The following NSD2 variants were observed in gnomAD, a reference collection of about 807,000 sequenced individuals.
The protein encoded by NSD2 is nuclear receptor binding SET domain protein 2, also known as histone-lysine N-methyltransferase NSD2.
NSD2 carries 12 observed loss-of-function variants against 139.0 expected under a neutral mutation model. The ratio of observed to expected loss-of-function variants is 0.09; its 90% CI spans 0.06 to 0.14. NSD2 has a LOEUF of 0.14. Among genes scored for constraint, NSD2 ranks in the 10% least tolerant of loss-of-function variants. The probability of loss-of-function intolerance (pLI) is 1.00; values close to 1 mark genes in which losing one functional copy is unlikely to be tolerated. For synonymous variants in NSD2, 669 were observed against 648.7 expected, an observed-to-expected ratio of 1.03 and a Z score of -0.48; for missense variants, 1,155 against 1,745.0, an observed-to-expected ratio of 0.66 and a Z score of 6.02.
chr4:1,891,196 C>T (rs956761562), intron 1 of NSD2, among the ~76,000 whole-genome samples: 5 of 152,208 alleles, frequency 3.3e-5, no homozygotes, highest in African/African-American at 9.6e-5. Flanking sequence ...GCCCCGCCTA[C>T]GTGGAATTGT....
In NSD2 at chr4:1,978,871, C is replaced by T. The variant is rs1560826798; in HGVS notation, c.4060C>T (p.Arg1354Trp). The change falls in exon 22 of 22, where the codon CGG becomes TGG. Residue 1354 changes from arginine (R) to tryptophan (W), a missense_variant. This residue lies in a region of NSD2 where 132 missense variants were observed against 94.3 expected (regional missense o/e 1.40). Coordinates refer to ENST00000508803, the MANE Select transcript of NSD2 (RefSeq NM_001042424.3). ...EPGKPKGKRR[R>W]RRGWRRVTEG... ...AGGGAAGCCGAAGGGGAAGAGGCGGCGGCGGAGGGGCTGGCGGAGAGTCAC... is the reference window on the plus strand; with the variant it reads ...AGGGAAGCCGAAGGGGAAGAGGCGGTGGCGGAGGGGCTGGCGGAGAGTCAC... 19 of 1,590,666 alleles carry T rather than the reference C, an allele frequency of 1.2e-5. No homozygotes were observed. The highest frequency in any genetic ancestry group is 2.3e-5 in the East Asian group (1 of 44,160).
At chr4:1,894,690 A>G (rs1201726684) in intron 1 of NSD2, among the ~76,000 whole-genome samples, 2 of 151,856 alleles carry the variant, frequency 1.3e-5, no homozygotes, top group Non-Finnish European at 2.9e-5. Context: ...AAAAAAAAAA[A>G]ATGAAAAGAA....
In NSD2 at chr4:1,942,263, TTAAG is replaced by T; in HGVS notation, c.1881+2487_1881+2490del. The T allele has an allele frequency of 6.3e-7, 1 of 1,588,066 alleles. No homozygotes were observed. The highest frequency in any genetic ancestry group is 8.5e-7 in the Non-Finnish European group (1 of 1,169,826). ...AGGCCTGTGAAGGAATTAATGTGAT[TTAAG>T]TGTTTTGTAACTTCATTTTTTATTC... On this transcript the variant is annotated intron_variant, in intron 9 of 21. Transcript: ENST00000508803. This position sits in a 1 kb window ranked among gnomAD's most constrained non-coding sequence, Gnocchi z 4.0.
intron 1 of NSD2, 28 bp from the exon 2 acceptor site, chr4:1,900,598 T>C: frequency 6.9e-7 from 1 of 1,443,760 alleles, no homozygotes; most frequent in Non-Finnish European, 9.3e-7. Flanking sequence ...TGCTTTTTCT[T>C]TCTTTTTTCT....
At chr4:1,900,446 A>G (rs1474568344) in intron 1 of NSD2, among the ~76,000 whole-genome samples, 180 bp from the exon 2 acceptor site, 1 of 151,986 alleles carries the variant, frequency 6.6e-6, no homozygotes, top group Non-Finnish European at 1.5e-5. Context: ...TCATTTTGTG[A>G]TTCCGTGTAA....
intron 1 of NSD2, among the ~76,000 whole-genome samples, chr4:1,897,884 C>T (rs370605426): frequency 6.6e-6 from 1 of 152,224 alleles, no homozygotes; most frequent in African/African-American, 2.4e-5. Flanking sequence ...GACTCAGCCT[C>T]CTAAAGTGCT....
In NSD2 at chr4:1,935,193, T is replaced by G. The variant is rs745593402; in HGVS notation, c.1605T>G (p.Pro535=). The G allele has an allele frequency of 1.9e-6, 3 of 1,613,568 alleles. No individual in the cohort carries two copies. The South Asian group carries it at 3.3e-5, about 18-fold the overall frequency. ...ACCACACAAAGAGGATACAGGACCC[T>G]ACAGAAGATGCTGAAGCTGAGGACA... ...KRNHTKRIQD[P]TEDAEAEDTP... The change falls in exon 7 of 22, where the codon CCT becomes CCG. Residue 535 remains proline (P), a synonymous_variant. Transcript: ENST00000508803.
intron 5 of NSD2, 82 bp downstream of exon 5, chr4:1,918,705 GCATTAT>G: frequency 6.5e-7 from 1 of 1,535,720 alleles, no homozygotes; most frequent in Non-Finnish European, 8.8e-7. Flanking sequence ...CTGTTTCTCA[GCATTAT>G]CAGGAGACTC....
intron 3 of NSD2, among the ~76,000 whole-genome samples, chr4:1,915,099 TTC>T (rs1330936023): frequency 6.6e-6 from 1 of 150,958 alleles, no homozygotes; most frequent in Non-Finnish European, 1.5e-5. Context: ...GTTGAATTTT[TTC>T]TTTTTTTCTC....
rs35448464 is a variant in NSD2, at chr4:1,926,150, A to ATTT, written c.1411-4455_1411-4453dup. ...TCACTAGCAGGCTTTTTGGGCCTGA[A>ATTT]TTTTTTTTTTTTTTTTTTTTTTTAA... On this transcript the variant is annotated intron_variant, in intron 5 of 21. Coordinates refer to ENST00000508803, the MANE Select transcript of NSD2 (RefSeq NM_001042424.3). Among the ~76,000 whole-genome samples the ATTT allele has an allele frequency of 5.9e-4, 72 of 121,524 alleles. 1 individual carries two copies. Among genetic ancestry groups the ATTT allele is most frequent in the African/African-American group, 2.1e-3 (68 of 31,668 alleles). The allele number at this position is 121,524 out of a possible 152,430, so 79.7% of individuals were successfully genotyped here.
intron 16 of NSD2, among the ~76,000 whole-genome samples, chr4:1,959,192 T>C (rs1184740063): frequency 1.3e-5 from 2 of 152,208 alleles, no homozygotes; most frequent in Admixed American, 6.5e-5. Flanking sequence ...CCTGGCTGGA[T>C]ACGTGTCAGC....
At chr4:1,915,111 C>CTTTTTTTTTTTTTTT (rs781255847) in intron 3 of NSD2, among the ~76,000 whole-genome samples, 1 of 115,562 alleles carries the variant, frequency 8.7e-6, no homozygotes, top group African/African-American at 3.5e-5. Flanking sequence ...CTTTTTTTCT[C>CTTTTTTTTTTTTTTT]TTTTTTTTTT....
At chr4:1,943,842 A>C (rs1723353763) in intron 9 of NSD2, 2 of 1,063,090 alleles carry the variant, frequency 1.9e-6, no homozygotes, top group Admixed American at 5.4e-5. Flanking sequence ...TTTTGGTGAA[A>C]ATGAAGGGAT....
chr4:1,948,679 A>G lies in NSD2; in HGVS notation c.1882-2393A>G. On this transcript the variant is annotated intron_variant, in intron 9 of 21. Coordinates refer to ENST00000508803, the MANE Select transcript of NSD2 (RefSeq NM_001042424.3). This position sits in a 1 kb window ranked among gnomAD's most constrained non-coding sequence, Gnocchi z 4.5. ...AATGAGCCTCATGTGTGTCGTTAACATTTATATATTTCCATTCAAAATATG... is the reference window on the plus strand; with the variant it reads ...AATGAGCCTCATGTGTGTCGTTAACGTTTATATATTTCCATTCAAAATATG... 3 of 1,056,830 alleles carry G rather than the reference A, an allele frequency of 2.8e-6. No homozygotes were observed. Among genetic ancestry groups the G allele is most frequent in the Non-Finnish European group, 2.3e-6 (2 of 872,920 alleles). The allele number at this position is 1,056,830 out of a possible 1,614,324, so 65.5% of individuals were successfully genotyped here.
intron 1 of NSD2, among the ~76,000 whole-genome samples, chr4:1,890,784 G>C (rs547178032): frequency 5.6e-4 from 85 of 152,006 alleles, no homozygotes; most frequent in Admixed American, 1.4e-3. Context: ...TTTTAGTAGA[G>C]ACGGGGTTTC....
intron 6 of NSD2, among the ~76,000 whole-genome samples, chr4:1,931,423 CAG>C (rs1163677697): frequency 6.6e-6 from 1 of 152,022 alleles, no homozygotes; most frequent in Non-Finnish European, 1.5e-5. Context: ...AGATGTGTAA[CAG>C]TGGTTAGATT....
intron 18 of NSD2, among the ~76,000 whole-genome samples, chr4:1,967,949 T>A (rs1726059084): frequency 6.6e-6 from 1 of 152,200 alleles, no homozygotes; most frequent in Non-Finnish European, 1.5e-5. Context: ...GGTGTCTTAT[T>A]GTCAAGATGG....
At chr4:1,969,824 A>T (rs1726259193) in intron 18 of NSD2, among the ~76,000 whole-genome samples, 1 of 152,232 alleles carries the variant, frequency 6.6e-6, no homozygotes, top group South Asian at 2.1e-4. Context: ...ATATTCACAG[A>T]TTTTTTGAAT....
At position 1,978,751 on chromosome 4, in the gene NSD2, A is replaced by C. The variant is rs1418175764; in HGVS notation, c.3940A>C (p.Ser1314Arg). ...GGAGCACCAGGACGGGACAGCCTTC[A>C]GCTGCACCCCGGACGGGCGGTCCTA... ...CKEHQDGTAFSCTPDGRSYCC... is the reference protein window; with the variant it reads ...CKEHQDGTAFRCTPDGRSYCC... The change falls in exon 22 of 22, where the codon AGC becomes CGC. Residue 1314 changes from serine to arginine, a missense_variant. Ser to Arg is a moderately radical substitution (Grantham distance 110). Coordinates refer to ENST00000508803, the MANE Select transcript of NSD2 (RefSeq NM_001042424.3). 1 of 1,614,028 alleles carries C rather than the reference A, an allele frequency of 6.2e-7. No homozygotes were observed. Among genetic ancestry groups the C allele is most frequent in the African/African-American group, 1.3e-5 (1 of 74,938 alleles).
Sources: gnomAD v4.1 joint callset for allele counts (sites outside exome capture counted in the v4.1 genomes callset) on GRCh38, gnomAD v4.1.1 for gene constraint, gnomAD v4.1.1 regional missense constraint, Gnocchi (gnomAD v3.1) non-coding constraint, MANE v1.5 for transcripts, NCBI Gene and HGNC (gene_info 2026-07-23, HGNC 2026-07-21) for gene names.